The following DPY19L4 variants were observed in gnomAD, a reference collection of about 807,000 sequenced individuals.
DPY19L4 encodes the protein probable C-mannosyltransferase DPY19L4.
A neutral mutation model predicts 102.8 loss-of-function variants in DPY19L4; 97 were observed. The observed-to-expected ratio is 0.94, with a 90% CI of 0.80 to 1.12. The LOEUF (loss-of-function observed/expected upper bound fraction) is 1.12, where lower values mean the gene tolerates loss of function less well. Ranked by LOEUF, DPY19L4 falls within the 50% of genes most tolerant of loss-of-function variation. The pLI is 0.00. For missense variants in DPY19L4, 815 were observed against 850.4 expected (o/e 0.96, Z 0.52); for synonymous variants, 252 against 283.1 (o/e 0.89, Z 1.10).
chr8:94,773,802 G>T (rs1032233337), intron 13 of DPY19L4, among the ~76,000 whole-genome samples: 1 of 149,822 alleles, frequency 6.7e-6, no homozygotes, highest in Non-Finnish European at 1.5e-5. Flanking sequence ...TTGGGAGACG[G>T]AGGCAGATGA....
intron 9 of DPY19L4, 122 bp from the exon 10 acceptor site, chr8:94,765,589 G>A: frequency 1.2e-6 from 1 of 802,796 alleles, no homozygotes; most frequent in Non-Finnish European, 2.0e-6. Flanking sequence ...CCTATCTTTG[G>A]TCTCCCAAAG....
Position 94,734,664 on chromosome 8 carries a change from T to C in DPY19L4, c.162T>C (p.Ile54=), listed in dbSNP as rs1811117705. Residue 54 remains isoleucine, a synonymous_variant, in exon 3 of 19, where the codon ATT becomes ATC. Coordinates refer to ENST00000414645, the MANE Select transcript of DPY19L4 (RefSeq NM_181787.3). The part of the protein sequence containing the change: ...VLFQRFAKIF[I]GCLAAVTSGM... ...TTCAACGCTTTGCAAAGATTTTCAT[T>C]GGCTGTCTTGCAGCGGTTACTAGTG... 6.2e-7 allele frequency: 1 copy of C among 1,613,980 alleles called. No homozygotes were observed. Among genetic ancestry groups the C allele is most frequent in the Non-Finnish European group, 8.5e-7 (1 of 1,179,992 alleles).
At chr8:94,722,117 T>A (rs768435152) in intron 1 of DPY19L4, among the ~76,000 whole-genome samples, 5 of 113,678 alleles carry the variant, frequency 4.4e-5, no homozygotes, top group Non-Finnish European at 9.4e-5. Flanking sequence ...TAAAAAAAAA[T>A]AAAATTAAGG....
At chr8:94,730,890 C>T (rs1810921622) in intron 2 of DPY19L4, among the ~76,000 whole-genome samples, 1 of 149,780 alleles carries the variant, frequency 6.7e-6, no homozygotes, top group Non-Finnish European at 1.5e-5. Flanking sequence ...GGATTACAGG[C>T]ATGCACCACC....
chr8:94,774,692 C>T (rs1312589373), intron 13 of DPY19L4, among the ~76,000 whole-genome samples: 1 of 151,968 alleles, frequency 6.6e-6, no homozygotes, highest in Non-Finnish European at 1.5e-5. Context: ...ATTCTCCTGC[C>T]TCAGCCTCCT....
At chr8:94,787,261 A>ATAGG (rs1265506764) in intron 17 of DPY19L4, among the ~76,000 whole-genome samples, 2 of 152,178 alleles carry the variant, frequency 1.3e-5, no homozygotes, top group Non-Finnish European at 2.9e-5. Flanking sequence ...ATAACTATGA[A>ATAGG]TAGGTATAGG....
In DPY19L4 at chr8:94,744,929, T is replaced by G. The variant is rs557559587; in HGVS notation, c.611+5139T>G. On this transcript the variant is annotated intron_variant, in intron 6 of 18. Transcript: ENST00000414645. ...AAAAATGCGTTTGTTTGCTTTTTGTTTATATTTTATTGGTATGTATCTTGT... is the reference window on the plus strand; with the variant it reads ...AAAAATGCGTTTGTTTGCTTTTTGTGTATATTTTATTGGTATGTATCTTGT... The G allele has an allele frequency of 1.3e-4, 30 of 223,102 alleles. No homozygotes were observed. In the South Asian group the frequency reaches 2.3e-3, roughly 17 times the overall value. 13.8% of individuals were successfully genotyped at this position (223,102 alleles called of 1,614,324 possible). A position where few individuals can be genotyped will look rare whatever the true frequency, so the allele number is the denominator to read the frequency against.
chr8:94,730,844 C>G (rs1810919505), intron 2 of DPY19L4, among the ~76,000 whole-genome samples: 1 of 145,180 alleles, frequency 6.9e-6, no homozygotes, highest in South Asian at 2.2e-4. Flanking sequence ...CCCCCAAGTT[C>G]AAGGGATTCT....
intron 7 of DPY19L4, among the ~76,000 whole-genome samples, chr8:94,758,713 A>T (rs1165814806): frequency 2.0e-5 from 3 of 151,878 alleles, no homozygotes; most frequent in Non-Finnish European, 4.4e-5. Context: ...GCTCCTTGTC[A>T]TCGCTGAGTA....
Position 94,739,644 on chromosome 8 carries a change from G to C in DPY19L4, c.466-1G>C. ...GTTCTCTTTCTGTTTTTTCCACATAGGAGATTATTGAGCCAGTGTATTTCT... is the reference window on the plus strand; with the variant it reads ...GTTCTCTTTCTGTTTTTTCCACATACGAGATTATTGAGCCAGTGTATTTCT... On this transcript the variant is annotated splice_acceptor_variant, in intron 5 of 18. Coordinates refer to ENST00000414645, the MANE Select transcript of DPY19L4 (RefSeq NM_181787.3). LOFTEE classifies it high-confidence loss of function. The C allele has an allele frequency of 3.1e-6, 5 of 1,613,526 alleles. No homozygotes were observed. Among genetic ancestry groups the C allele is most frequent in the South Asian group, 2.2e-5 (2 of 91,028 alleles).
intron 18 of DPY19L4, among the ~76,000 whole-genome samples, chr8:94,788,930 C>T (rs889958872): frequency 1.3e-5 from 2 of 152,278 alleles, no homozygotes. Flanking sequence ...TTATCTTTTC[C>T]TCATGACCCC....
intron 6 of DPY19L4, among the ~76,000 whole-genome samples, chr8:94,742,049 A>G (rs1391989531): frequency 6.6e-6 from 1 of 152,186 alleles, no homozygotes; most frequent in Non-Finnish European, 1.5e-5. Context: ...ATACTCATAG[A>G]CTAGGTTTAG....
intron 1 of DPY19L4, among the ~76,000 whole-genome samples, chr8:94,720,447 A>AT: frequency 6.6e-6 from 1 of 152,310 alleles, no homozygotes; most frequent in East Asian, 1.9e-4. Context: ...GCGAGGGAAC[A>AT]TTCACCACGG....
In DPY19L4 at chr8:94,780,377, G is replaced by T; in HGVS notation, c.1594G>T (p.Ala532Ser). ...ATTTTAGGCTCTTATTCTGAGCATG[G>T]CCGTGCCTACTATAATAGGTCTCAG... ...PILLALILSM[A>S]VPTIIGLSLW... The change falls in exon 15 of 19, where the codon GCC (alanine) becomes TCC (serine). Residue 532 changes from alanine (A) to serine (S), a missense_variant. Ala to Ser is a moderately conservative substitution (Grantham distance 99, BLOSUM62 1). Coordinates refer to ENST00000414645, the MANE Select transcript of DPY19L4 (RefSeq NM_181787.3). The T allele has an allele frequency of 6.7e-7, 1 of 1,486,472 alleles. No homozygotes were observed. The allele number at this position is 1,486,472 out of a possible 1,614,324, so 92.1% of individuals were successfully genotyped here. A position where few individuals can be genotyped will look rare whatever the true frequency, so the allele number is the denominator to read the frequency against.
intron 13 of DPY19L4, among the ~76,000 whole-genome samples, chr8:94,773,355 G>T (rs1309189861): frequency 2.0e-5 from 3 of 152,138 alleles, no homozygotes; most frequent in African/African-American, 7.2e-5. Flanking sequence ...GAAGTTTGGA[G>T]CTTTAAATTC....
rs776071212 is a variant in DPY19L4 at position 94,738,389 on chromosome 8, G to A, written c.273G>A (p.Thr91=). The change falls in exon 4 of 19, where the codon ACG becomes ACA. Residue 91 remains threonine, a synonymous_variant. Coordinates refer to ENST00000414645, the MANE Select transcript of DPY19L4 (RefSeq NM_181787.3). The part of the protein sequence containing the change: ...SNRQELEREI[T]FQGDSAIYYS... ...TTTAGGAGCTTGAACGGGAAATCAC[G>A]TTTCAGGGTGACAGTGCCATTTATT... is the stretch of plus-strand genomic sequence containing the variant. 33 of 1,535,564 alleles carry A rather than the reference G, an allele frequency of 2.1e-5. No individual in the cohort carries two copies. Among genetic ancestry groups the A allele is most frequent in the Non-Finnish European group, 2.7e-5 (31 of 1,143,586 alleles).
chr8:94,768,285 G>A (rs977588869), intron 11 of DPY19L4, 110 bp from the exon 12 acceptor site: 25 of 787,876 alleles, frequency 3.2e-5, no homozygotes, highest in Non-Finnish European at 4.6e-5. Flanking sequence ...ATAAGTAAAC[G>A]GGTTTAGGAA....
At chr8:94,734,479 C>T (rs983653033) in intron 2 of DPY19L4, 151 bp from the exon 3 acceptor site, 23 of 726,194 alleles carry the variant, frequency 3.2e-5, no homozygotes, top group Admixed American at 2.4e-4. Flanking sequence ...ATAGGATGCC[C>T]CTCTGTTGGA....
chr8:94,730,920 TTTTTAGTAGA>T (rs887588139), intron 2 of DPY19L4, among the ~76,000 whole-genome samples: 1 of 150,430 alleles, frequency 6.6e-6, no homozygotes, highest in Non-Finnish European at 1.5e-5. Flanking sequence ...TAATTTTGTA[TTTTTAGTAGA>T]GACGGGGTTT....
Sources: allele counts gnomAD v4.1 joint callset (sites outside exome capture counted in the v4.1 genomes callset), GRCh38; gene constraint gnomAD v4.1.1; transcripts MANE v1.5; gene names NCBI Gene and HGNC (gene_info 2026-07-23, HGNC 2026-07-21).